RBFOX1: variants seen among roughly 807,000 people sequenced by gnomAD.
RBFOX1 encodes RNA binding protein fox-1 homolog 1.
RBFOX1 carries 8 observed loss-of-function variants against 57.7 expected under a neutral mutation model. The observed-to-expected ratio is 0.14, with a 90% confidence interval of 0.08 to 0.25. The LOEUF (loss-of-function observed/expected upper bound fraction) is 0.25. RBFOX1 is among the 10% of genes least tolerant of loss of function. RBFOX1 has a pLI of 1.00. For synonymous variants in RBFOX1, 326 were observed against 222.4 expected (o/e 1.47, Z -4.15); for missense variants, 611 against 548.5 (o/e 1.11, Z -1.14).
intron 5 of RBFOX1, among the ~76,000 whole-genome samples, chr16:7,558,463 TGTATA>T (rs1205457771): frequency 4.9e-4 from 75 of 152,228 alleles, no homozygotes; most frequent in African/African-American, 1.7e-3. Flanking sequence ...AATATATACA[TGTATA>T]GTACATAAAT....
chr16:5,851,059 G>A (rs936697071), intron 3 of RBFOX1, among the ~76,000 whole-genome samples: 3 of 152,108 alleles, frequency 2.0e-5, no homozygotes, highest in African/African-American at 4.8e-5. Flanking sequence ...CCCCCCAAAC[G>A]CACTTCCCCA....
At chr16:7,693,520 G>A (rs1402166876) in intron 14 of RBFOX1, among the ~76,000 whole-genome samples, 2 of 149,672 alleles carry the variant, frequency 1.3e-5, no homozygotes, top group Non-Finnish European at 2.9e-5. Flanking sequence ...TACAGCTGAA[G>A]CCTTGAGGCT....
chr16:7,525,913 G>A (rs1333666270), intron 5 of RBFOX1, among the ~76,000 whole-genome samples: 1 of 152,166 alleles, frequency 6.6e-6, no homozygotes, highest in African/African-American at 2.4e-5. Context: ...AGTCCAGGCT[G>A]TTTCCCCAGT....
intron 4 of RBFOX1, among the ~76,000 whole-genome samples, chr16:5,966,733 C>G (rs556138738): frequency 1.1e-3 from 171 of 152,118 alleles, no homozygotes; most frequent in Non-Finnish European, 1.7e-3. Flanking sequence ...AAATCATTCA[C>G]AAGAAACCTG....
chr16:6,848,542 T>C (rs2093890167), intron 3 of RBFOX1, among the ~76,000 whole-genome samples: 1 of 149,212 alleles, frequency 6.7e-6, no homozygotes, highest in African/African-American at 2.5e-5. Context: ...GATGGATATA[T>C]AGAAAAAGAA....
intron 2 of RBFOX1, among the ~76,000 whole-genome samples, chr16:5,481,971 C>G (rs1475956893): frequency 1.3e-5 from 2 of 152,298 alleles, no homozygotes; most frequent in East Asian, 3.9e-4. Context: ...CGGTCACATT[C>G]TGAAGTACTG....
At chr16:7,334,268 A>G (rs192162101) in intron 4 of RBFOX1, among the ~76,000 whole-genome samples, 111 of 152,064 alleles carry the variant, frequency 7.3e-4, no homozygotes, top group Admixed American at 2.1e-3. Context: ...TTTTCTCTGT[A>G]TTACCTGTTA....
intron 3 of RBFOX1, among the ~76,000 whole-genome samples, chr16:6,687,749 C>G (rs959391567): frequency 4.6e-5 from 7 of 152,140 alleles, no homozygotes; most frequent in East Asian, 1.9e-4. Flanking sequence ...CACAGCTACT[C>G]TGTTATAGGT....
chr16:5,382,285 A>G (rs1357838556), intron 1 of RBFOX1, among the ~76,000 whole-genome samples: 1 of 152,166 alleles, frequency 6.6e-6, no homozygotes, highest in African/African-American at 2.4e-5. Flanking sequence ...AATAGTTCCA[A>G]TTCAGCTGTT....
At chr16:6,278,565 C>T (rs1290477845) in intron 1 of RBFOX1, among the ~76,000 whole-genome samples, 1 of 151,982 alleles carries the variant, frequency 6.6e-6, no homozygotes, top group Non-Finnish European at 1.5e-5. Context: ...CCCCTTATCT[C>T]TGAATTTCTC....
chr16:5,995,013 G>A (rs536453687), intron 4 of RBFOX1, among the ~76,000 whole-genome samples: 1 of 152,220 alleles, frequency 6.6e-6, no homozygotes, highest in African/African-American at 2.4e-5. Flanking sequence ...GGAAAGGTTG[G>A]GAGATATTTT....
At chr16:7,176,483 A>C (rs906590381) in intron 4 of RBFOX1, among the ~76,000 whole-genome samples, 1 of 152,084 alleles carries the variant, frequency 6.6e-6, no homozygotes, top group Admixed American at 6.5e-5. Flanking sequence ...TCAGTAAACT[A>C]TACCTCTCGG....
chr16:5,911,657 T>C (rs1368136351), intron 4 of RBFOX1, among the ~76,000 whole-genome samples: 1 of 152,180 alleles, frequency 6.6e-6, no homozygotes, highest in Non-Finnish European at 1.5e-5. Context: ...GGGCCACTTC[T>C]AAACAGCAGA....
Position 7,506,184 on chromosome 16 carries a change from CAAAAAAAAAAAAA to C in RBFOX1, c.28-11942_28-11930del, listed in dbSNP as rs552568132. ...TGGGTGACAGAGCAAGACTCTGTCT[CAAAAAAAAAAAAA>C]AAAAAAAAAAAAAAAAAAAATTTCT... is the stretch of plus-strand genomic sequence containing the variant. On this transcript the variant is annotated intron_variant, in intron 4 of 15. Transcript: ENST00000550418. Among the ~76,000 whole-genome samples, 14 of 49,950 alleles carry C rather than the reference CAAAAAAAAAAAAA, an allele frequency of 2.8e-4. No homozygotes were observed. In the South Asian group the frequency reaches 4.6e-3, roughly 16 times the overall value. 32.8% of individuals were successfully genotyped at this position (49,950 alleles called of 152,430 possible).
intron 3 of RBFOX1, among the ~76,000 whole-genome samples, chr16:6,761,500 C>CTTTTTTTTTTTTTTTTTTTTTTTTT (rs869243278): frequency 1.7e-5 from 1 of 60,128 alleles, no homozygotes; most frequent in African/African-American, 6.9e-5. Flanking sequence ...TCCCAATCTC[C>CTTTTTTTTTTTTTTTTTTTTTTTTT]TTTTTTTTTT....
At chr16:7,019,922 C>A (rs986779807) in intron 3 of RBFOX1, among the ~76,000 whole-genome samples, 9 of 152,118 alleles carry the variant, frequency 5.9e-5, no homozygotes, top group Non-Finnish European at 1.2e-4. Context: ...TACCTCCCAG[C>A]CTTTCCACAT....
intron 4 of RBFOX1, among the ~76,000 whole-genome samples, chr16:7,224,439 C>G (rs1208121474): frequency 6.6e-6 from 1 of 152,168 alleles, no homozygotes; most frequent in Non-Finnish European, 1.5e-5. Context: ...CCATACCAAG[C>G]ATCACCAGCC....
At position 5,946,780 on chromosome 16, in the gene RBFOX1, A is replaced by C. The variant is rs994081542; in HGVS notation, c.351+79445A>C. Among the ~76,000 whole-genome samples the C allele has an allele frequency of 1.3e-5, 2 of 152,192 alleles. No individual in the cohort carries two copies. Among genetic ancestry groups the C allele is most frequent in the African/African-American group, 2.4e-5 (1 of 41,456 alleles). On this transcript the variant is annotated intron_variant, in intron 4 of 19. Coordinates refer to the RBFOX1 transcript ENST00000641259. This position sits in a 1 kb window ranked among gnomAD's most constrained non-coding sequence, Gnocchi z 4.6. ...ACCTGTGGAATCTGATTCTAACTCC[A>C]GGTGGATCATGTCAGAATTGAACTG... is the stretch of plus-strand genomic sequence containing the variant.
intron 3 of RBFOX1, among the ~76,000 whole-genome samples, chr16:5,705,162 G>C (rs1415998032): frequency 6.6e-6 from 1 of 152,160 alleles, no homozygotes; most frequent in Non-Finnish European, 1.5e-5. Context: ...TTTGATCTTT[G>C]TCCTTGAAGG....
Sources: allele counts gnomAD v4.1 joint callset (sites outside exome capture counted in the v4.1 genomes callset), GRCh38; gene constraint gnomAD v4.1.1; non-coding constraint Gnocchi (gnomAD v3.1); transcripts MANE v1.5; gene names NCBI Gene and HGNC (gene_info 2026-07-23, HGNC 2026-07-21).